The following ZDHHC6 variants were observed in gnomAD, a reference collection of about 807,000 sequenced individuals.
ZDHHC6 encodes the protein palmitoyltransferase ZDHHC6.
ZDHHC6 carries 32 observed loss-of-function variants against 57.8 expected under a neutral mutation model. That is an observed-to-expected ratio of 0.55 (90% CI 0.42 to 0.74). The LOEUF (loss-of-function observed/expected upper bound fraction) is 0.74. Among genes scored for constraint, ZDHHC6 ranks in the 30% least tolerant of loss-of-function variants. ZDHHC6 has a pLI of 0.00. For missense variants in ZDHHC6, 433 were observed against 500.7 expected (o/e 0.86, Z 1.29); for synonymous variants, 128 against 158.0 (o/e 0.81, Z 1.42).
downstream of ZDHHC6, chr10:112,430,261 T>A (rs1844907530): frequency 6.6e-6 from 1 of 152,296 alleles, no homozygotes; most frequent in South Asian, 2.1e-4. Flanking sequence ...ATGAACCTTT[T>A]TAGTCAGCAA....
downstream of ZDHHC6, chr10:112,427,247 A>G (rs757005492): frequency 6.2e-7 from 1 of 1,613,330 alleles, no homozygotes; most frequent in African/African-American, 1.3e-5. Context: ...ATCCAGAGCC[A>G]TTTTCCATTG....
chr10:112,426,918 C>T (rs1844747049), downstream of ZDHHC6: 2 of 1,366,756 alleles, frequency 1.5e-6, no homozygotes. Context: ...TTTAAAGTTT[C>T]CATCTAATGA....
intron 5 of ZDHHC6, among the ~76,000 whole-genome samples, chr10:112,438,744 C>A (rs749201353): frequency 6.6e-6 from 1 of 152,082 alleles, no homozygotes; most frequent in Non-Finnish European, 1.5e-5. Context: ...CTATTAAAAT[C>A]TTTTATCACT....
intron 5 of ZDHHC6, among the ~76,000 whole-genome samples, chr10:112,440,132 C>T (rs1473397511): frequency 1.9e-5 from 2 of 105,502 alleles, no homozygotes; most frequent in Admixed American, 1.2e-4. Context: ...AAAATGTTTA[C>T]CAAGTACATG....
intron 8 of ZDHHC6, among the ~76,000 whole-genome samples, chr10:112,432,836 T>C (rs1845169610): frequency 6.6e-6 from 1 of 152,232 alleles, no homozygotes; most frequent in South Asian, 2.1e-4. Context: ...ACTTGACACA[T>C]GTAGCTACTG....
intron 6 of ZDHHC6, among the ~76,000 whole-genome samples, chr10:112,434,743 T>C (rs1589727130): frequency 1.3e-5 from 2 of 152,252 alleles, no homozygotes; most frequent in East Asian, 3.8e-4. Flanking sequence ...TAGCTAACTT[T>C]ATCTCATACA....
At chr10:112,427,466 T>C (rs1844778990), downstream of ZDHHC6, 1 of 1,071,694 alleles carries the variant, frequency 9.3e-7, no homozygotes, top group Admixed American at 3.2e-5. Flanking sequence ...TTTTTTAACC[T>C]GTTAAACTCT....
rs1485935920 is a variant in ZDHHC6, at chr10:112,434,410, C to A, written c.790G>T (p.Asp264Tyr). The change falls in exon 7 of 11, where the codon GAT becomes TAT. Residue 264 changes from aspartate (D) to tyrosine (Y), a missense_variant. By Grantham distance (160) the Asp-to-Tyr change is radical. Transcript: ENST00000369405. ...QLDEVFVFPY[D>Y]MGSRWRNFKQ... ...AAGTTCCTCCATCTACTTCCCATAT[C>A]ATATGGAAAAACAAAGACTTCATCT... 8.7e-6 allele frequency: 14 copies of A among 1,613,808 alleles called. No homozygotes were observed. Among genetic ancestry groups the A allele is most frequent in the Non-Finnish European group, 1.2e-5 (14 of 1,179,884 alleles).
At chr10:112,447,461 C>T (rs1322130240), upstream of ZDHHC6, 1 of 1,613,314 alleles carries the variant, frequency 6.2e-7, no homozygotes, top group Non-Finnish European at 8.5e-7. Context: ...CCCACGACTC[C>T]CGCCTGGTGA....
chr10:112,426,294 G>T (rs373211487), downstream of ZDHHC6: 1 of 1,613,996 alleles, frequency 6.2e-7, no homozygotes, highest in African/African-American at 1.3e-5. Context: ...TGACACAGAT[G>T]TACTTCCCTC....
chr10:112,444,285 A>G (rs138812702), intron 2 of ZDHHC6, among the ~76,000 whole-genome samples: 11 of 152,240 alleles, frequency 7.2e-5, no homozygotes, highest in African/African-American at 9.6e-5. Flanking sequence ...CATTCTTTCA[A>G]CCTGAAATGC....
chr10:112,443,887 CAGG>C (rs1358044210), intron 2 of ZDHHC6, among the ~76,000 whole-genome samples: 1 of 152,114 alleles, frequency 6.6e-6, no homozygotes, highest in Non-Finnish European at 1.5e-5. Context: ...TTAGTGGATT[CAGG>C]AGTTCAGAAA....
chr10:112,427,297 G>A, downstream of ZDHHC6: 1 of 1,613,796 alleles, frequency 6.2e-7, no homozygotes, highest in Non-Finnish European at 8.5e-7. Flanking sequence ...GCAAAGCGAG[G>A]AGAGCTTTCC....
At chr10:112,431,952 G>A (rs564215617) in intron 10 of ZDHHC6, among the ~76,000 whole-genome samples, 6 of 152,198 alleles carry the variant, frequency 3.9e-5, no homozygotes, top group African/African-American at 1.4e-4. Context: ...AAATAATAGT[G>A]CCTACCTCCG....
intron 6 of ZDHHC6, among the ~76,000 whole-genome samples, chr10:112,436,154 G>A (rs973342910): frequency 2.6e-5 from 4 of 152,140 alleles, no homozygotes; most frequent in African/African-American, 9.7e-5. Context: ...GGTAGAGAAG[G>A]GTAGGAAATT....
intron 6 of ZDHHC6, among the ~76,000 whole-genome samples, chr10:112,434,959 C>A (rs1845383452): frequency 6.6e-6 from 1 of 152,150 alleles, no homozygotes; most frequent in Admixed American, 6.5e-5. Context: ...GGCAGTGATG[C>A]CCATGGGAAT....
At chr10:112,426,749 T>G, downstream of ZDHHC6, 1 of 1,591,738 alleles carries the variant, frequency 6.3e-7, no homozygotes, top group Admixed American at 1.7e-5. Flanking sequence ...TCAGGCTTTT[T>G]GAAACAGCCA....
At chr10:112,447,180 A>C (rs866583798), upstream of ZDHHC6, 3 of 565,174 alleles carry the variant, frequency 5.3e-6, no homozygotes, top group South Asian at 4.9e-5. Context: ...TAAAGCACGC[A>C]CGCAACCCAA....
chr10:112,446,226 G>A (rs905286758), intron 1 of ZDHHC6, among the ~76,000 whole-genome samples: 1 of 152,140 alleles, frequency 6.6e-6, no homozygotes, highest in African/African-American at 2.4e-5. Context: ...TGGCCCAAAA[G>A]TAAAGGAGCG....
Sources: gnomAD v4.1 joint callset for allele counts (sites outside exome capture counted in the v4.1 genomes callset) on GRCh38, gnomAD v4.1.1 for gene constraint, MANE v1.5 for transcripts, NCBI Gene and HGNC (gene_info 2026-07-23, HGNC 2026-07-21) for gene names.